The following FDCSP variants were observed in gnomAD, a reference collection of about 807,000 sequenced individuals.
FDCSP encodes the protein follicular dendritic cell secreted protein, also known as follicular dendritic cell secreted peptide.
FDCSP carries 8 observed loss-of-function variants against 8.9 expected under a neutral mutation model. The ratio of observed to expected loss-of-function variants is 0.90; its 90% CI spans 0.53 to 1.63. FDCSP has a LOEUF of 1.63. Among genes scored for constraint, FDCSP ranks in the 40% most tolerant of loss-of-function variants. FDCSP has a pLI of 0.00. For missense variants in FDCSP, 101 were observed against 103.6 expected (o/e 0.98, Z 0.11); for synonymous variants, 34 against 34.5 (o/e 0.98, Z 0.06).
chr4:70,227,437 G>T (rs942984889), intron 1 of FDCSP, among the ~76,000 whole-genome samples: 1 of 151,452 alleles, frequency 6.6e-6, no homozygotes, highest in South Asian at 2.1e-4. Context: ...TTTACACTGC[G>T]TTCTTTTGTC....
At chr4:70,232,949 T>C in intron 2 of FDCSP, 45 bp from the exon 3 acceptor site, 1 of 1,521,236 alleles carries the variant, frequency 6.6e-7, no homozygotes, top group Middle Eastern at 2.1e-4. Flanking sequence ...TATTTGTGTG[T>C]TTTCATGAGC....
chr4:70,231,870 G>A (rs950623615), intron 2 of FDCSP, among the ~76,000 whole-genome samples: 2 of 151,538 alleles, frequency 1.3e-5, no homozygotes, highest in Admixed American at 6.6e-5. Context: ...ATGGGGAGGT[G>A]GAAAGCAGTG....
At chr4:70,228,082 G>A (rs529604151) in intron 1 of FDCSP, among the ~76,000 whole-genome samples, 11 of 151,860 alleles carry the variant, frequency 7.2e-5, no homozygotes, top group Non-Finnish European at 1.0e-4. Context: ...TGTAGCATGC[G>A]ATGTTGTAGC....
chr4:70,227,221 T>TGTGAGTG (rs1206709002), intron 1 of FDCSP, among the ~76,000 whole-genome samples: 1 of 151,842 alleles, frequency 6.6e-6, no homozygotes, highest in Non-Finnish European at 1.5e-5. Context: ...GAGGAGTATG[T>TGTGAGTG]GTGAGTGTGT....
At chr4:70,233,217 A>G (rs529289729) in intron 3 of FDCSP, among the ~76,000 whole-genome samples, 191 bp downstream of exon 3, 32 of 151,836 alleles carry the variant, frequency 2.1e-4, no homozygotes, top group African/African-American at 7.7e-4. Context: ...AATTATCTCC[A>G]TATCTCATGT....
In FDCSP at chr4:70,233,509, T is replaced by C. The variant is rs542884980; in HGVS notation, c.90+483T>C. On this transcript the variant is annotated intron_variant, in intron 3 of 4. Transcript: ENST00000317987. ...TAAAATTTGAAGAGGGAAAGCCTTG[T>C]TTAAAGGTTTGTTTTTATTTATGGA... Among the ~76,000 whole-genome samples the C allele has an allele frequency of 5.3e-5, 8 of 151,796 alleles. No individual in the cohort carries two copies. In the South Asian group the frequency reaches 1.7e-3, roughly 32 times the overall value.
At position 70,234,174 on chromosome 4, in the gene FDCSP, C is replaced by G. The variant is rs759551657; in HGVS notation, c.245C>G (p.Pro82Arg). ...GAATCTGCCCCTACAACTCCCCTTC[C>G]TAGCGAAAAGTAAACAAGAAGGAAA... ...IPESAPTTPL[P>R]SEK The change falls in exon 4 of 5, where the codon CCT (proline) becomes CGT (arginine). Residue 82 changes from proline to arginine, a missense_variant. Physicochemically the swap from Pro to Arg is moderately radical, Grantham distance 103. Transcript: ENST00000317987. The G allele has an allele frequency of 3.1e-6, 5 of 1,609,134 alleles. No individual in the cohort carries two copies. In the East Asian group the frequency reaches 8.9e-5, roughly 29 times the overall value.
chr4:70,229,962 T>C (rs1426141763), intron 1 of FDCSP, among the ~76,000 whole-genome samples: 1 of 151,458 alleles, frequency 6.6e-6, no homozygotes, highest in African/African-American at 2.4e-5. Context: ...GTTGGAAAAA[T>C]GGTGCTGATA....
chr4:70,228,495 C>A (rs12386413), intron 1 of FDCSP, among the ~76,000 whole-genome samples: 51,275 of 151,584 alleles, frequency 0.34, 8,850 homozygotes, highest in Non-Finnish European at 0.37. Flanking sequence ...ATATTTTGGC[C>A]TCCTCCTATG....
At position 70,234,176 on chromosome 4, in the gene FDCSP, A is replaced by T. The variant is rs769856556; in HGVS notation, c.247A>T (p.Ser83Cys). The T allele has an allele frequency of 1.2e-6, 2 of 1,608,918 alleles. No individual in the cohort carries two copies. Among genetic ancestry groups the T allele is most frequent in the East Asian group, 2.2e-5 (1 of 44,698 alleles). Residue 83 changes from serine (S) to cysteine (C), a missense_variant, in exon 4 of 5, where the codon AGC (serine) becomes TGC (cysteine). By Grantham distance (112) the Ser-to-Cys change is moderately radical (BLOSUM62 -1). Transcript: ENST00000317987. The part of the protein sequence containing the change: ...PESAPTTPLP[S>C]EK Reference sequence around the variant, plus strand: ...ATCTGCCCCTACAACTCCCCTTCCTAGCGAAAAGTAAACAAGAAGGAAAAG... The same window carrying T: ...ATCTGCCCCTACAACTCCCCTTCCTTGCGAAAAGTAAACAAGAAGGAAAAG...
chr4:70,226,770 A>C (rs1166802590), intron 1 of FDCSP, among the ~76,000 whole-genome samples: 2 of 151,870 alleles, frequency 1.3e-5, no homozygotes, highest in Non-Finnish European at 2.9e-5. Context: ...ACGCAGCAAT[A>C]AACTGCTATG....
intron 1 of FDCSP, among the ~76,000 whole-genome samples, chr4:70,227,725 G>A (rs1361623606): frequency 2.0e-5 from 3 of 151,720 alleles, no homozygotes. Flanking sequence ...CATAGAATGA[G>A]TATCAAAGTT....
rs1336891309 is a variant in FDCSP, at chr4:70,235,235, T to C, written c.*179T>C. The C allele has an allele frequency of 6.6e-6, 1 of 151,800 alleles. No individual in the cohort carries two copies. Among genetic ancestry groups the C allele is most frequent in the Non-Finnish European group, 1.5e-5 (1 of 67,854 alleles). The allele number at this position is 151,800 out of a possible 1,614,324, so 9.4% of individuals were successfully genotyped here. Reference sequence around the variant, plus strand: ...ATAAACTTGAAAGCAAAGATTTTGGTTTCTTAATTTCCACAAATTCCATGA... The same window carrying C: ...ATAAACTTGAAAGCAAAGATTTTGGCTTCTTAATTTCCACAAATTCCATGA... On this transcript the variant is annotated 3_prime_UTR_variant, in exon 5 of 5. Coordinates refer to ENST00000317987, the MANE Select transcript of FDCSP (RefSeq NM_152997.4).
At chr4:70,229,231 A>G (rs939864559) in intron 1 of FDCSP, among the ~76,000 whole-genome samples, 1 of 151,658 alleles carries the variant, frequency 6.6e-6, no homozygotes, top group Non-Finnish European at 1.5e-5. Flanking sequence ...CCAACTTTTC[A>G]TCTGCAGTTT....
At chr4:70,229,178 C>T (rs1028189402) in intron 1 of FDCSP, among the ~76,000 whole-genome samples, 1 of 151,722 alleles carries the variant, frequency 6.6e-6, no homozygotes. Flanking sequence ...ACACTTGCTG[C>T]TTTACCTTGC....
At chr4:70,233,106 C>A in intron 3 of FDCSP, 80 bp downstream of exon 3, 1 of 1,238,776 alleles carries the variant, frequency 8.1e-7, no homozygotes, top group African/African-American at 1.5e-5. Context: ...ATTGATTTAT[C>A]TAAACCTCCC....
intron 2 of FDCSP, among the ~76,000 whole-genome samples, chr4:70,232,502 C>T (rs1381213135): frequency 6.6e-6 from 1 of 151,534 alleles, no homozygotes; most frequent in Non-Finnish European, 1.5e-5. Context: ...GCTATACCAC[C>T]TAGGTTTGTG....
At chr4:70,231,740 TA>T (rs1262453685) in intron 2 of FDCSP, among the ~76,000 whole-genome samples, 2 of 151,686 alleles carry the variant, frequency 1.3e-5, no homozygotes, top group Non-Finnish European at 3.0e-5. Context: ...TTTTAAACAT[TA>T]ACTGTAAAAC....
At position 70,228,870 on chromosome 4, in the gene FDCSP, G is replaced by A. The variant is rs77325846; in HGVS notation, c.1-2325G>A. On this transcript the variant is annotated intron_variant, in intron 1 of 4. Transcript: ENST00000317987. ...TTAGATGTACTGCCATCCAGGCTTTGTTGTTCCATCCACAGAGCACAGGAA... is the reference window on the plus strand; with the variant it reads ...TTAGATGTACTGCCATCCAGGCTTTATTGTTCCATCCACAGAGCACAGGAA... 3.4e-3 allele frequency among the ~76,000 whole-genome samples: 522 copies of A among 151,874 alleles called. 6 individuals carry two copies. Among genetic ancestry groups the A allele is most frequent in the Admixed American group, 0.025 (377 of 15,200 alleles).
Sources: allele counts gnomAD v4.1 joint callset (sites outside exome capture counted in the v4.1 genomes callset), GRCh38; gene constraint gnomAD v4.1.1; transcripts MANE v1.5; gene names NCBI Gene and HGNC (gene_info 2026-07-23, HGNC 2026-07-21).